The following ARAP2 variants were observed in gnomAD, a reference collection of about 807,000 sequenced individuals.
ARAP2 encodes the protein ArfGAP with RhoGAP domain, ankyrin repeat and PH domain 2.
Under a neutral mutation model 194.5 loss-of-function variants are expected in ARAP2, and 148 were observed. That is an observed-to-expected ratio of 0.76 (90% CI 0.67 to 0.87). The LOEUF (loss-of-function observed/expected upper bound fraction) is 0.87. Among genes scored for constraint, ARAP2 ranks in the 40% least tolerant of loss-of-function variants. The pLI, the probability that ARAP2 is intolerant of heterozygous loss-of-function variation, is 0.00. For synonymous variants in ARAP2, 695 were observed against 683.5 expected (o/e 1.02, Z -0.26); for missense variants, 2,128 against 1,989.7 (o/e 1.07, Z -1.32).
At position 36,121,237 on chromosome 4, in the gene ARAP2, G is replaced by A; in HGVS notation, c.3836C>T (p.Thr1279Ile). Residue 1279 changes from threonine to isoleucine, a missense_variant, in exon 23 of 33, where the codon ACT (threonine) becomes ATT (isoleucine). Thr to Ile is a moderately conservative substitution (Grantham distance 89). Coordinates refer to ENST00000303965, the MANE Select transcript of ARAP2 (RefSeq NM_015230.4). Reference sequence around the variant, plus strand: ...CTCAATTACATTCACTTCTTCACTAGTTTGTCCCTTCGTTTGAAACAAACA... The same window carrying A: ...CTCAATTACATTCACTTCTTCACTAATTTGTCCCTTCGTTTGAAACAAACA... ...SSCLFQTKGQ[T>I]SEEVNVIEDL... The A allele has an allele frequency of 6.2e-7, 1 of 1,607,108 alleles. No individual in the cohort carries two copies. The highest frequency in any genetic ancestry group is 2.3e-5 in the East Asian group (1 of 44,444).
intron 28 of ARAP2, among the ~76,000 whole-genome samples, chr4:36,085,060 G>A (rs929869429): frequency 6.6e-6 from 1 of 152,026 alleles, no homozygotes; most frequent in East Asian, 1.9e-4. Context: ...GCTAGCCATC[G>A]GCAGTTTTGA....
At chr4:36,148,315 T>C in intron 17 of ARAP2, 90 bp downstream of exon 17, 1 of 922,986 alleles carries the variant, frequency 1.1e-6, no homozygotes, top group Non-Finnish European at 1.6e-6. Flanking sequence ...CAATCTTATA[T>C]AAAACTTTCA....
intron 7 of ARAP2, among the ~76,000 whole-genome samples, chr4:36,189,161 T>G (rs1480618835): frequency 6.6e-6 from 1 of 152,182 alleles, no homozygotes. Context: ...GAGAGAAGGA[T>G]GTCAAGAAAT....
At position 36,090,672 on chromosome 4, in the gene ARAP2, T is replaced by C. The variant is rs75247519; in HGVS notation, c.4425+1209A>G. On this transcript the variant is annotated intron_variant, in intron 28 of 32. Transcript: ENST00000303965. ...AACTAGCATGGAATAGAAAAACAAA[T>C]AACGCATGTTCTTACTTACAAGTGG... 2.3e-3 allele frequency among the ~76,000 whole-genome samples: 357 copies of C among 152,104 alleles called. 2 individuals are homozygous for C. Among genetic ancestry groups the C allele is most frequent in the African/African-American group, 8.1e-3 (336 of 41,522 alleles).
intron 32 of ARAP2, 61 bp downstream of exon 32, chr4:36,073,628 A>G: frequency 6.4e-7 from 1 of 1,566,940 alleles, no homozygotes; most frequent in Non-Finnish European, 8.7e-7. Flanking sequence ...ACCTAATCAC[A>G]TTATGACACA....
At chr4:36,238,926 T>A (rs886124511) in intron 1 of ARAP2, among the ~76,000 whole-genome samples, 1 of 137,024 alleles carries the variant, frequency 7.3e-6, no homozygotes. Context: ...ATGAAGTCAA[T>A]GGTTATGGTA....
chr4:36,112,249 C>T (rs143834726), intron 26 of ARAP2, among the ~76,000 whole-genome samples: 4 of 151,926 alleles, frequency 2.6e-5, no homozygotes, highest in East Asian at 1.9e-4. Flanking sequence ...CTGAAATACA[C>T]GGTAAATGCC....
intron 9 of ARAP2, among the ~76,000 whole-genome samples, chr4:36,175,570 G>C (rs1578173508): frequency 6.6e-6 from 1 of 151,768 alleles, no homozygotes; most frequent in Non-Finnish European, 1.5e-5. Flanking sequence ...CTTAAGACCT[G>C]AATCTATATG....
intron 7 of ARAP2, among the ~76,000 whole-genome samples, chr4:36,190,719 G>A (rs1741678178): frequency 6.6e-6 from 1 of 152,172 alleles, no homozygotes; most frequent in Non-Finnish European, 1.5e-5. Context: ...TAACAAGATG[G>A]GTCTGATGTT....
chr4:36,193,710 AT>A, intron 6 of ARAP2, 63 bp from the exon 7 acceptor site: 1 of 1,200,256 alleles, frequency 8.3e-7, no homozygotes, highest in Non-Finnish European at 1.2e-6. Flanking sequence ...TGTTAAATTC[AT>A]TTGTAATGTA....
In ARAP2 at chr4:36,006,055, T is replaced by C. The variant is rs561590823; in HGVS notation, n.1469+848A>G. ...GGGAGTTTGTTTCCATATTGAATTA[T>C]GGGCTCTTAAAATGTAGCTCTATGT... On this transcript the variant is annotated intron_variant and non_coding_transcript_variant, in intron 10 of 12. Coordinates refer to the ARAP2 transcript ENST00000503225. 7 of 152,328 alleles carry C rather than the reference T, an allele frequency of 4.6e-5. No homozygotes were observed. In the East Asian group the frequency reaches 1.4e-3, roughly 29 times the overall value. 9.4% of individuals were successfully genotyped at this position (152,328 alleles called of 1,614,324 possible).
At chr4:36,070,671 G>A (rs1033451485) in intron 32 of ARAP2, among the ~76,000 whole-genome samples, 2 of 152,078 alleles carry the variant, frequency 1.3e-5, no homozygotes. Flanking sequence ...GAGGTCTTAG[G>A]ACACCAAAAA....
chr4:36,064,824 A>G (rs1725132290), downstream of ARAP2, among the ~76,000 whole-genome samples: 2 of 152,208 alleles, frequency 1.3e-5, no homozygotes, highest in African/African-American at 4.8e-5. Context: ...GCACAGAAGG[A>G]AAGAGAGAAG....
intron 27 of ARAP2, among the ~76,000 whole-genome samples, chr4:36,098,676 T>A (rs1241658740): frequency 6.6e-6 from 1 of 152,068 alleles, no homozygotes; most frequent in African/African-American, 2.4e-5. Flanking sequence ...GTGGTATGAC[T>A]CAAGTTAATC....
chr4:36,144,205 A>C (rs1158460835), intron 19 of ARAP2, among the ~76,000 whole-genome samples: 1 of 151,914 alleles, frequency 6.6e-6, no homozygotes. Context: ...TAACCTGAAA[A>C]AATGAAAAGG....
intron 2 of ARAP2, among the ~76,000 whole-genome samples, chr4:36,056,145 A>T (rs956101046): frequency 6.6e-6 from 1 of 152,236 alleles, no homozygotes; most frequent in Non-Finnish European, 1.5e-5. Flanking sequence ...ACTATTTTCA[A>T]TATAAAACTA....
chr4:36,095,350 T>C (rs958467884), intron 27 of ARAP2, among the ~76,000 whole-genome samples: 4 of 152,178 alleles, frequency 2.6e-5, no homozygotes, highest in African/African-American at 9.6e-5. Flanking sequence ...GGGATTCCTA[T>C]TCTGTGACAT....
chr4:36,117,802 AAGAC>A (rs1352205172), intron 24 of ARAP2, among the ~76,000 whole-genome samples: 3 of 151,680 alleles, frequency 2.0e-5, no homozygotes, highest in African/African-American at 7.2e-5. Flanking sequence ...TATATCCCAA[AAGAC>A]AGACAAAGTG....
At chr4:36,100,260 G>A (rs910117951) in intron 27 of ARAP2, among the ~76,000 whole-genome samples, 3 of 152,022 alleles carry the variant, frequency 2.0e-5, no homozygotes, top group Non-Finnish European at 2.9e-5. Flanking sequence ...CAGTAACTAT[G>A]AACTATTGTT....
Sources: allele counts gnomAD v4.1 joint callset (sites outside exome capture counted in the v4.1 genomes callset), GRCh38; gene constraint gnomAD v4.1.1; transcripts MANE v1.5; gene names NCBI Gene and HGNC (gene_info 2026-07-23, HGNC 2026-07-21).